Variants in DLG2 observed in about 807,000 individuals in gnomAD.
DLG2 encodes the protein discs large MAGUK scaffold protein 2.
Under a neutral mutation model 132.5 loss-of-function variants are expected in DLG2, and 45 were observed. The ratio of observed to expected loss-of-function variants is 0.34; its 90% confidence interval spans 0.27 to 0.44. DLG2 has a LOEUF of 0.44. Among genes scored for constraint, DLG2 ranks in the 20% least tolerant of loss-of-function variants. The pLI is 1.00. For synonymous variants in DLG2, 424 were observed against 419.6 expected, an observed-to-expected ratio of 1.01 and a Z score of -0.13; for missense variants, 1,045 against 1,196.9, an observed-to-expected ratio of 0.87 and a Z score of 1.87.
chr11:85,405,282 G>A (rs948022732), intron 3 of DLG2, among the ~76,000 whole-genome samples: 2 of 151,920 alleles, frequency 1.3e-5, no homozygotes, highest in African/African-American at 4.8e-5. Flanking sequence ...ATGAAGAAAA[G>A]ATATAGTCTC....
intron 6 of DLG2, among the ~76,000 whole-genome samples, chr11:84,787,281 T>C (rs76637762): frequency 0.017 from 2,565 of 152,254 alleles, 52 homozygotes; most frequent in African/African-American, 0.05. Context: ...TTCTGCTTAG[T>C]GTCTGACCTG....
intron 16 of DLG2, among the ~76,000 whole-genome samples, chr11:83,863,349 CT>C (rs1467439038): frequency 6.6e-6 from 1 of 152,112 alleles, no homozygotes; most frequent in Non-Finnish European, 1.5e-5. Flanking sequence ...CTTGATGTCT[CT>C]TTCTAAATGA....
intron 8 of DLG2, among the ~76,000 whole-genome samples, chr11:84,189,760 G>A (rs117618210): frequency 0.024 from 3,604 of 152,242 alleles, 58 homozygotes; most frequent in Middle Eastern, 0.037. Context: ...TTGTAAGTGG[G>A]AGCTGAATGA....
At chr11:84,386,135 A>G (rs140497443) in intron 7 of DLG2, among the ~76,000 whole-genome samples, 299 of 152,122 alleles carry the variant, frequency 2.0e-3, no homozygotes, top group African/African-American at 7.0e-3. Flanking sequence ...CTGTCTAGAA[A>G]AGCTTAGACT....
In DLG2 at chr11:85,293,639, T is replaced by C. The variant is rs185915918; in HGVS notation, c.41-8274A>G. ...GTCAAGGTAAGAAAAGAAAAGCTTA[T>C]GAACTATTGCAGATTAAAGGAAACT... On this transcript the variant is annotated intron_variant, in intron 3 of 27. Coordinates refer to ENST00000376104, the MANE Select transcript of DLG2 (RefSeq NM_001142699.3). 3.3e-5 allele frequency among the ~76,000 whole-genome samples: 5 copies of C among 152,232 alleles called. No individual in the cohort carries two copies. The East Asian group carries it at 5.8e-4, about 18-fold the overall frequency.
At chr11:84,508,301 T>G (rs1211362196) in intron 7 of DLG2, among the ~76,000 whole-genome samples, 2 of 152,236 alleles carry the variant, frequency 1.3e-5, no homozygotes, top group Non-Finnish European at 2.9e-5. Flanking sequence ...GCGTTTTTAT[T>G]ACCTGTTGTC....
intron 7 of DLG2, among the ~76,000 whole-genome samples, chr11:84,376,843 C>T (rs1172275821): frequency 3.3e-5 from 5 of 151,866 alleles, no homozygotes; most frequent in East Asian, 1.9e-4. Flanking sequence ...CTAAAATCTT[C>T]GTCTGTGAGG....
chr11:84,725,846 T>A (rs1468066926), intron 6 of DLG2, among the ~76,000 whole-genome samples: 1 of 152,138 alleles, frequency 6.6e-6, no homozygotes, highest in African/African-American at 2.4e-5. Context: ...TTGTCTGATT[T>A]TTTTTTTAAT....
At chr11:83,688,743 A>G (rs1395059927) in intron 18 of DLG2, among the ~76,000 whole-genome samples, 4 of 152,202 alleles carry the variant, frequency 2.6e-5, no homozygotes, top group African/African-American at 9.6e-5. Flanking sequence ...AATTTCTGAG[A>G]AAACTCAGAA....
intron 5 of DLG2, among the ~76,000 whole-genome samples, chr11:85,146,227 CCTCTCTCTCTCTCTCT>C (rs35640163): frequency 2.3e-5 from 3 of 129,204 alleles, no homozygotes; most frequent in Middle Eastern, 4.0e-3. Flanking sequence ...TCTGTTTCTC[CCTCTCTCTCTCTCTCT>C]CTCTCTCTCT....
chr11:84,716,511 T>C (rs1157556490), intron 6 of DLG2, among the ~76,000 whole-genome samples: 3 of 152,016 alleles, frequency 2.0e-5, no homozygotes, highest in Non-Finnish European at 2.9e-5. Context: ...GGCTGGCCCT[T>C]GAAATTAAAT....
chr11:83,539,707 A>G (rs1400589266), intron 20 of DLG2, among the ~76,000 whole-genome samples: 1 of 151,076 alleles, frequency 6.6e-6, no homozygotes, highest in African/African-American at 2.4e-5. Flanking sequence ...AAAAAGTAGA[A>G]TGTAAATAAA....
intron 7 of DLG2, among the ~76,000 whole-genome samples, chr11:84,521,315 G>A (rs1386022676): frequency 6.6e-6 from 1 of 152,160 alleles, no homozygotes; most frequent in Non-Finnish European, 1.5e-5. Context: ...GTGATCTGCT[G>A]AGTTGAGAAC....
intron 4 of DLG2, among the ~76,000 whole-genome samples, chr11:85,219,857 G>A (rs1357855416): frequency 6.6e-6 from 1 of 151,402 alleles, no homozygotes; most frequent in African/African-American, 2.4e-5. Flanking sequence ...CTGGAGAGAG[G>A]AGAATCTGAA....
At chr11:84,692,115 G>C (rs1438774542) in intron 6 of DLG2, among the ~76,000 whole-genome samples, 1 of 151,668 alleles carries the variant, frequency 6.6e-6, no homozygotes, top group Middle Eastern at 3.2e-3. Context: ...ATCATGTTCA[G>C]CACGCAGCAT....
chr11:84,052,647 T>A (rs1412077009), intron 11 of DLG2, among the ~76,000 whole-genome samples: 1 of 130,990 alleles, frequency 7.6e-6, no homozygotes, highest in Middle Eastern at 4.7e-3. Context: ...CACAATGAGA[T>A]ACCATCTCAC....
chr11:84,608,783 A>G (rs2099590202), intron 6 of DLG2, among the ~76,000 whole-genome samples: 1 of 152,160 alleles, frequency 6.6e-6, no homozygotes. Flanking sequence ...GACAAATCAA[A>G]CTACAAACAA....
chr11:85,598,806 A>G lies in DLG2; in HGVS notation c.-92-18T>C, dbSNP rs1162545182. 4.2e-6 allele frequency: 3 copies of G among 715,934 alleles called. No individual in the cohort carries two copies. Among genetic ancestry groups the G allele is most frequent in the Non-Finnish European group, 4.2e-6 (2 of 472,732 alleles). The allele number at this position is 715,934 out of a possible 1,614,324, so 44.3% of individuals were successfully genotyped here. A position where few individuals can be genotyped will look rare whatever the true frequency, so the allele number is the denominator to read the frequency against. ...GTCAGTATCTGAAAAACATGATATT[A>G]TTATTATATTTTATGGTCTTAGCAA... On this transcript the variant is annotated intron_variant, in intron 2 of 27. Coordinates refer to ENST00000376104, the MANE Select transcript of DLG2 (RefSeq NM_001142699.3).
chr11:84,044,091 C>A (rs2096177513), intron 11 of DLG2, among the ~76,000 whole-genome samples: 1 of 151,606 alleles, frequency 6.6e-6, no homozygotes, highest in South Asian at 2.1e-4. Flanking sequence ...ATAGCATGAG[C>A]TCTGGAGCCA....
Sources: gnomAD v4.1 joint callset for allele counts (sites outside exome capture counted in the v4.1 genomes callset) on GRCh38, gnomAD v4.1.1 for gene constraint, MANE v1.5 for transcripts, NCBI Gene and HGNC (gene_info 2026-07-23, HGNC 2026-07-21) for gene names.